The following FLYWCH2 variants were observed in gnomAD, a reference collection of about 807,000 sequenced individuals.
The protein encoded by FLYWCH2 is FLYWCH family member 2.
FLYWCH2 carries 2 observed loss-of-function variants against 6.0 expected under a neutral mutation model. The ratio of observed to expected loss-of-function variants is 0.33; its 90% CI spans 0.14 to 1.04. The LOEUF is 1.04. Among genes scored for constraint, FLYWCH2 ranks in the 50% least tolerant of loss-of-function variants. The pLI is 0.45. For missense variants in FLYWCH2, 192 were observed against 183.4 expected, an observed-to-expected ratio of 1.05 and a Z score of -0.27; for synonymous variants, 87 against 79.3, an observed-to-expected ratio of 1.10 and a Z score of -0.52.
intron 1 of FLYWCH2, among the ~76,000 whole-genome samples, chr16:2,888,599 AT>A (rs1298104454): frequency 6.6e-6 from 1 of 151,404 alleles, no homozygotes; most frequent in Admixed American, 6.6e-5. Context: ...ATGTCTTTCC[AT>A]TTGTTTAGGG....
chr16:2,898,757 C>G, intron 3 of FLYWCH2: 1 of 309,058 alleles, frequency 3.2e-6, no homozygotes. Context: ...ACTCCTCCAT[C>G]CTTCCATCCC....
intron 1 of FLYWCH2, among the ~76,000 whole-genome samples, chr16:2,884,860 G>C (rs2150841541): frequency 6.7e-6 from 1 of 150,070 alleles, no homozygotes; most frequent in Non-Finnish European, 1.5e-5. Flanking sequence ...GCCGACAAGA[G>C]CGATACTCCG....
chr16:2,892,248 A>G (rs1055218615), intron 1 of FLYWCH2, among the ~76,000 whole-genome samples: 1 of 150,628 alleles, frequency 6.6e-6, no homozygotes, highest in African/African-American at 2.5e-5. Flanking sequence ...TAATCCCAGC[A>G]CTTTGGGAGG....
rs577828027 is a variant in FLYWCH2 at position 2,884,084 on chromosome 16, T to C, written c.-200+718T>C. Among the ~76,000 whole-genome samples, 6 of 152,284 alleles carry C rather than the reference T, an allele frequency of 3.9e-5. No individual in the cohort carries two copies. The East Asian group carries it at 1.2e-3, about 29-fold the overall frequency. On this transcript the variant is annotated intron_variant, in intron 1 of 3. Coordinates refer to ENST00000396958, the MANE Select transcript of FLYWCH2 (RefSeq NM_138439.3). ...CTGTCGGGGTCAATAACAGCCCCGC[T>C]GTGGACTGCGTGGAGCAGTAATTAT...
intron 3 of FLYWCH2, 37 bp downstream of exon 3, chr16:2,896,808 A>G (rs773267418): frequency 2.5e-6 from 4 of 1,581,080 alleles, no homozygotes; most frequent in Admixed American, 1.8e-5. Flanking sequence ...ACAGCTCGGC[A>G]CCTCCCAGGG....
chr16:2,888,839 A>G (rs2069725922), intron 1 of FLYWCH2, among the ~76,000 whole-genome samples: 1 of 152,144 alleles, frequency 6.6e-6, no homozygotes, highest in African/African-American at 2.4e-5. Flanking sequence ...CTGCAGCTTC[A>G]TGAGCTAGAG....
intron 1 of FLYWCH2, among the ~76,000 whole-genome samples, chr16:2,886,428 G>A (rs925893900): frequency 4.7e-5 from 7 of 149,296 alleles, no homozygotes; most frequent in East Asian, 1.9e-4. Flanking sequence ...GGCTGATCTC[G>A]AACTCCTGAC....
chr16:2,897,321 T>C (rs2069834896), intron 3 of FLYWCH2, among the ~76,000 whole-genome samples: 1 of 152,094 alleles, frequency 6.6e-6, no homozygotes, highest in Non-Finnish European at 1.5e-5. Context: ...CTGCTCTCCC[T>C]ACCTCCTCTG....
At chr16:2,897,749 C>T (rs1295935059) in intron 3 of FLYWCH2, among the ~76,000 whole-genome samples, 3 of 152,204 alleles carry the variant, frequency 2.0e-5, no homozygotes, top group African/African-American at 4.8e-5. Context: ...CTGGGCTCTA[C>T]CAGGGCAGGC....
chr16:2,892,329 C>T (rs11863195), intron 1 of FLYWCH2, among the ~76,000 whole-genome samples: 45,205 of 150,910 alleles, frequency 0.3, 7,115 homozygotes, highest in South Asian at 0.51. Flanking sequence ...ACCCCATCTC[C>T]ACTAAAAATA....
chr16:2,883,900 A>G (rs971866767), intron 1 of FLYWCH2, among the ~76,000 whole-genome samples: 2 of 152,200 alleles, frequency 1.3e-5, no homozygotes, highest in Non-Finnish European at 2.9e-5. Context: ...CCTGGTGATT[A>G]GGGGAAGGAG....
chr16:2,885,548 C>G (rs968727063), intron 1 of FLYWCH2, among the ~76,000 whole-genome samples: 1 of 152,178 alleles, frequency 6.6e-6, no homozygotes, highest in Non-Finnish European at 1.5e-5. Flanking sequence ...TCTCTAGACT[C>G]TAAGTAATTT....
chr16:2,894,330 G>C (rs987094193), intron 1 of FLYWCH2, among the ~76,000 whole-genome samples: 9 of 152,276 alleles, frequency 5.9e-5, no homozygotes, highest in East Asian at 1.9e-4. Flanking sequence ...TAGAGGACCC[G>C]GGGTGGACTC....
intron 1 of FLYWCH2, among the ~76,000 whole-genome samples, chr16:2,885,153 T>A (rs576475952): frequency 2.0e-5 from 3 of 152,136 alleles, no homozygotes; most frequent in African/African-American, 7.2e-5. Flanking sequence ...AAACCCCGTC[T>A]CTACTAAAAA....
chr16:2,893,652 T>TG (rs1318423243), intron 1 of FLYWCH2, among the ~76,000 whole-genome samples: 4 of 146,890 alleles, frequency 2.7e-5, no homozygotes, highest in Non-Finnish European at 6.0e-5. Flanking sequence ...TTTTTTTTTT[T>TG]TTTGAAACGG....
chr16:2,883,855 G>T (rs985333669), intron 1 of FLYWCH2, among the ~76,000 whole-genome samples: 1 of 152,256 alleles, frequency 6.6e-6, no homozygotes, highest in African/African-American at 2.4e-5. Flanking sequence ...GATGCCAATT[G>T]CATTGGGTAA....
intron 1 of FLYWCH2, among the ~76,000 whole-genome samples, chr16:2,883,937 G>A (rs947830699): frequency 6.6e-6 from 1 of 152,232 alleles, no homozygotes; most frequent in African/African-American, 2.4e-5. Context: ...TGCCATGGTG[G>A]GGAAGCTCCG....
intron 1 of FLYWCH2, among the ~76,000 whole-genome samples, chr16:2,891,245 A>G (rs2069753631): frequency 6.6e-6 from 1 of 152,120 alleles, no homozygotes; most frequent in South Asian, 2.1e-4. Flanking sequence ...GTTGTTGGGT[A>G]GCAGTAATAG....
At chr16:2,883,479 G>C (rs2069663403) in intron 1 of FLYWCH2, 113 bp downstream of exon 1, 2 of 152,664 alleles carry the variant, frequency 1.3e-5, no homozygotes, top group Non-Finnish European at 2.9e-5. Flanking sequence ...AGGGGTCCGC[G>C]TCCTGGTGCT....
Sources: gnomAD v4.1 joint callset for allele counts (sites outside exome capture counted in the v4.1 genomes callset) on GRCh38, gnomAD v4.1.1 for gene constraint, MANE v1.5 for transcripts, NCBI Gene and HGNC (gene_info 2026-07-23, HGNC 2026-07-21) for gene names.